ARL5B: variants seen among roughly 807,000 people sequenced by gnomAD.
The protein encoded by ARL5B is ARF like GTPase 5B, also known as ADP-ribosylation factor-like protein 5B.
ARL5B carries 10 observed loss-of-function variants against 26.9 expected under a neutral mutation model. That is an observed-to-expected ratio of 0.37 (90% CI 0.23 to 0.63). The LOEUF (loss-of-function observed/expected upper bound fraction) is 0.63, where lower values mean the gene tolerates loss of function less well. ARL5B is among the 30% of genes least tolerant of loss of function. ARL5B has a pLI of 0.62. For synonymous variants in ARL5B, 87 were observed against 70.4 expected, an observed-to-expected ratio of 1.24 and a Z score of -1.18; for missense variants, 167 against 213.9, an observed-to-expected ratio of 0.78 and a Z score of 1.37.
chr10:18,673,067 T>C (rs1209435676), intron 4 of ARL5B, among the ~76,000 whole-genome samples: 3 of 151,730 alleles, frequency 2.0e-5, no homozygotes, highest in African/African-American at 7.3e-5. Context: ...TTTGTTTTTG[T>C]TTTTGTTTTT....
chr10:18,660,288 C>T (rs1362246579), intron 1 of ARL5B, among the ~76,000 whole-genome samples: 1 of 151,978 alleles, frequency 6.6e-6, no homozygotes, highest in African/African-American at 2.4e-5. Flanking sequence ...CGTTACGTGT[C>T]CGTAATTAGT....
intron 1 of ARL5B, among the ~76,000 whole-genome samples, chr10:18,664,755 C>G (rs2059853586): frequency 6.6e-6 from 1 of 152,054 alleles, no homozygotes; most frequent in African/African-American, 2.4e-5. Context: ...AGTGTCTTAA[C>G]CTAACATTTC....
intron 3 of ARL5B, 92 bp downstream of exon 3, chr10:18,668,769 C>CT: frequency 1.7e-6 from 2 of 1,167,176 alleles, no homozygotes; most frequent in South Asian, 1.8e-5. Flanking sequence ...TTGACAGTTG[C>CT]CTTTTTTTTT....
At position 18,677,525 on chromosome 10, in the gene ARL5B, A is replaced by G. The variant is rs892218730; in HGVS notation, c.*2309A>G. The G allele has an allele frequency of 6.6e-6, 1 of 152,380 alleles. No homozygotes were observed. Among genetic ancestry groups the G allele is most frequent in the Admixed American group, 6.6e-5 (1 of 15,252 alleles). The allele number at this position is 152,380 out of a possible 1,614,324, so 9.4% of individuals were successfully genotyped here. A position where few individuals can be genotyped will look rare whatever the true frequency, so the allele number is the denominator to read the frequency against. On this transcript the variant is annotated 3_prime_UTR_variant, in exon 6 of 6. Transcript: ENST00000377275. Reference sequence around the variant, plus strand: ...TAGGAAATTCATGTAAGACTTTTTAAGAGTATTTTTTAGGTTTTCACTCAA... The same window carrying G: ...TAGGAAATTCATGTAAGACTTTTTAGGAGTATTTTTTAGGTTTTCACTCAA...
At position 18,666,900 on chromosome 10, in the gene ARL5B, G is replaced by A. The variant is rs1358659317; in HGVS notation, c.107+265G>A. ...TAAAGCGCATATTAGAAGTGCTGGG[G>A]TGAGGTGATAAAGTGGATTTCACTT... On this transcript the variant is annotated intron_variant, in intron 2 of 5. Transcript: ENST00000377275. Among the ~76,000 whole-genome samples, 3 of 152,142 alleles carry A rather than the reference G, an allele frequency of 2.0e-5. No homozygotes were observed. The East Asian group carries it at 5.8e-4, about 29-fold the overall frequency.
rs1422501324 is a variant in ARL5B, at chr10:18,678,283, A to T, written c.*3067A>T. 6.6e-6 allele frequency: 1 copy of T among 151,598 alleles called. No individual in the cohort carries two copies. Among genetic ancestry groups the T allele is most frequent in the Non-Finnish European group, 1.5e-5 (1 of 67,742 alleles). 9.4% of individuals were successfully genotyped at this position (151,598 alleles called of 1,614,324 possible). ...ATTCTATATTCATTAGAAGAAAGGT[A>T]ATAAATTTAAGTTTCATTGCTGAAA... On this transcript the variant is annotated 3_prime_UTR_variant, in exon 6 of 6. Transcript: ENST00000377275.
chr10:18,661,521 G>A (rs1352725258), intron 1 of ARL5B, among the ~76,000 whole-genome samples: 1 of 152,066 alleles, frequency 6.6e-6, no homozygotes, highest in Non-Finnish European at 1.5e-5. Flanking sequence ...TGATTATTCT[G>A]TTATTTTATT....
chr10:18,663,228 G>A (rs1020535530), intron 1 of ARL5B, among the ~76,000 whole-genome samples: 2 of 151,900 alleles, frequency 1.3e-5, no homozygotes, highest in African/African-American at 2.4e-5. Context: ...GGCTGGCCTC[G>A]AACTCCTGAC....
At chr10:18,669,237 G>A (rs1239415124) in intron 3 of ARL5B, among the ~76,000 whole-genome samples, 1 of 152,130 alleles carries the variant, frequency 6.6e-6, no homozygotes, top group Non-Finnish European at 1.5e-5. Flanking sequence ...TGTTTGGCCA[G>A]GTTCTCTCCA....
chr10:18,667,759 T>G (rs1245467664), intron 2 of ARL5B, among the ~76,000 whole-genome samples: 1 of 151,912 alleles, frequency 6.6e-6, no homozygotes, highest in East Asian at 1.9e-4. Context: ...GAGACAGAGT[T>G]TTGCTCTGTT....
chr10:18,660,035 A>T lies in ARL5B; in HGVS notation c.46+352A>T, dbSNP rs559232326. On this transcript the variant is annotated intron_variant, in intron 1 of 5. Coordinates refer to ENST00000377275, the MANE Select transcript of ARL5B (RefSeq NM_178815.5). ...GCTTGTGTCTATGTGTATCCCCAGG[A>T]TAAGTGTCCGCCCAGAAACCTAGAA... 1.1e-4 allele frequency: 88 copies of T among 813,346 alleles called. No homozygotes were observed. The African/African-American group carries it at 1.6e-3, about 15-fold the overall frequency. The allele number at this position is 813,346 out of a possible 1,614,324, so 50.4% of individuals were successfully genotyped here.
Position 18,679,189 on chromosome 10 carries a change from A to G in ARL5B, c.*3973A>G, listed in dbSNP as rs1331706023. 2 of 151,934 alleles carry G rather than the reference A, an allele frequency of 1.3e-5. No homozygotes were observed. The highest frequency in any genetic ancestry group is 4.8e-5 in the African/African-American group (2 of 41,430). The allele number at this position is 151,934 out of a possible 1,614,324, so 9.4% of individuals were successfully genotyped here. ...TAGCTAATGACAATGCAAAAGAGAA[A>G]ACAAGCCATATTGCTAAGAAAAGGA... is the stretch of plus-strand genomic sequence containing the variant. On this transcript the variant is annotated 3_prime_UTR_variant, in exon 6 of 6. Transcript: ENST00000377275.
At chr10:18,672,542 T>C in intron 3 of ARL5B, 80 bp from the exon 4 acceptor site, 1 of 955,714 alleles carries the variant, frequency 1.0e-6, no homozygotes, top group Admixed American at 2.0e-5. Flanking sequence ...GAGAAAGTAC[T>C]TAGATTACTT....
At chr10:18,663,420 A>G (rs1314000675) in intron 1 of ARL5B, among the ~76,000 whole-genome samples, 3 of 152,018 alleles carry the variant, frequency 2.0e-5, no homozygotes, top group Admixed American at 6.6e-5. Flanking sequence ...TTTCTTTCCA[A>G]TCCATGAATT....
intron 1 of ARL5B, among the ~76,000 whole-genome samples, chr10:18,664,329 A>G (rs1056148424): frequency 6.6e-6 from 1 of 150,390 alleles, no homozygotes; most frequent in Non-Finnish European, 1.5e-5. Flanking sequence ...TTAACTGATC[A>G]CTTCTCCTTG....
chr10:18,679,791 C>T lies in ARL5B; in HGVS notation c.*4575C>T, dbSNP rs971845918. 4 of 151,698 alleles carry T rather than the reference C, an allele frequency of 2.6e-5. No homozygotes were observed. Among genetic ancestry groups the T allele is most frequent in the Admixed American group, 6.6e-5 (1 of 15,226 alleles). 9.4% of individuals were successfully genotyped at this position (151,698 alleles called of 1,614,324 possible). A position where few individuals can be genotyped will look rare whatever the true frequency, so the allele number is the denominator to read the frequency against. On this transcript the variant is annotated 3_prime_UTR_variant, in exon 6 of 6. Coordinates refer to ENST00000377275, the MANE Select transcript of ARL5B (RefSeq NM_178815.5). ...GAAAGTAAAGACAATATCATGAGGT[C>T]GAAAAAACTTCAAAAGGATATTAGG...
At position 18,680,882 on chromosome 10, in the gene ARL5B, C is replaced by T. The variant is rs1292150144; in HGVS notation, c.*5666C>T. Reference sequence around the variant, plus strand: ...TTATAATCACACTTTGCTATTTTAACATAAATTGGTGCTTTAGAGCATTAA... The same window carrying T: ...TTATAATCACACTTTGCTATTTTAATATAAATTGGTGCTTTAGAGCATTAA... On this transcript the variant is annotated 3_prime_UTR_variant, in exon 6 of 6. Coordinates refer to ENST00000377275, the MANE Select transcript of ARL5B (RefSeq NM_178815.5). The T allele has an allele frequency of 1.3e-5, 2 of 152,204 alleles. No individual in the cohort carries two copies. Among genetic ancestry groups the T allele is most frequent in the Admixed American group, 1.3e-4 (2 of 15,272 alleles). The allele number at this position is 152,204 out of a possible 1,614,324, so 9.4% of individuals were successfully genotyped here. A position where few individuals can be genotyped will look rare whatever the true frequency, so the allele number is the denominator to read the frequency against.
intron 2 of ARL5B, among the ~76,000 whole-genome samples, chr10:18,668,237 G>T (rs984720256): frequency 6.6e-6 from 1 of 152,034 alleles, no homozygotes; most frequent in South Asian, 2.1e-4. Context: ...GGGCATGGTG[G>T]TATTGGAATT....
In ARL5B at chr10:18,674,155, G is replaced by T. The variant is rs779845373; in HGVS notation, c.491+20G>T. 10 of 1,591,356 alleles carry T rather than the reference G, an allele frequency of 6.3e-6. No homozygotes were observed. The East Asian group carries it at 1.1e-4, about 18-fold the overall frequency. On this transcript the variant is annotated intron_variant, in intron 5 of 5. Transcript: ENST00000377275. ...AGAAGGGTAAGTTCATCCGTCTGAG[G>T]GGAGGTATGACTTCTTTCAAATTTC...
Sources: allele counts gnomAD v4.1 joint callset (sites outside exome capture counted in the v4.1 genomes callset), GRCh38; gene constraint gnomAD v4.1.1; transcripts MANE v1.5; gene names NCBI Gene and HGNC (gene_info 2026-07-23, HGNC 2026-07-21).